Variants in ATP9B observed in about 807,000 individuals in gnomAD.
ATP9B encodes the protein ATPase phospholipid transporting 9B, also known as probable phospholipid-transporting ATPase IIB.
A neutral mutation model predicts 146.1 loss-of-function variants in ATP9B; 110 were observed. The ratio of observed to expected loss-of-function variants is 0.75; its 90% confidence interval spans 0.65 to 0.88. The LOEUF (loss-of-function observed/expected upper bound fraction) is 0.88. ATP9B is among the 40% of genes least tolerant of loss of function. ATP9B has a pLI of 0.00. For synonymous variants in ATP9B, 604 were observed against 569.7 expected (o/e 1.06, Z -0.86); for missense variants, 1,499 against 1,496.4 (o/e 1.00, Z -0.03).
At chr18:79,125,117 C>T (rs2094260137) in intron 4 of ATP9B, among the ~76,000 whole-genome samples, 1 of 152,086 alleles carries the variant, frequency 6.6e-6, no homozygotes, top group Admixed American at 6.5e-5. Flanking sequence ...GAAATTGTGG[C>T]AAGTGGAGAA....
rs151080554 is a variant in ATP9B at position 79,346,705 on chromosome 18, G to A, written c.2682+866G>A. Reference sequence around the variant, plus strand: ...CTCGGCACACACTCGGTCAGCGCACGTCAGCACGTGCTCAGTGCATGCCTG... The same window carrying A: ...CTCGGCACACACTCGGTCAGCGCACATCAGCACGTGCTCAGTGCATGCCTG... On this transcript the variant is annotated intron_variant, in intron 23 of 29. Coordinates refer to ENST00000426216, the MANE Select transcript of ATP9B (RefSeq NM_198531.5). Among the ~76,000 whole-genome samples the A allele has an allele frequency of 4.6e-5, 7 of 152,052 alleles. No homozygotes were observed. In the East Asian group the frequency reaches 1.2e-3, roughly 25 times the overall value.
chr18:79,070,793 T>G (rs2071645528), intron 1 of ATP9B, among the ~76,000 whole-genome samples: 1 of 152,198 alleles, frequency 6.6e-6, no homozygotes, highest in African/African-American at 2.4e-5. Flanking sequence ...CTCTAAAATC[T>G]TTATTAGATA....
At chr18:79,268,321 G>T (rs941321800) in intron 12 of ATP9B, among the ~76,000 whole-genome samples, 11 of 151,884 alleles carry the variant, frequency 7.2e-5, no homozygotes, top group Non-Finnish European at 1.3e-4. Context: ...GATAATTTTT[G>T]ACTAGAGTAT....
At chr18:79,184,683 T>G (rs1003891993) in intron 8 of ATP9B, among the ~76,000 whole-genome samples, 6 of 152,178 alleles carry the variant, frequency 3.9e-5, no homozygotes, top group Non-Finnish European at 8.8e-5. Context: ...GGTTACATAT[T>G]TCCTCCTTGT....
chr18:79,113,468 T>G, intron 4 of ATP9B, 114 bp downstream of exon 4: 1 of 664,192 alleles, frequency 1.5e-6, no homozygotes, highest in Non-Finnish European at 2.5e-6. Flanking sequence ...GGTGTTGTAG[T>G]GTTCACTGAA....
chr18:79,376,389 AT>A (rs1162245001), intron 29 of ATP9B: 67,925 of 887,912 alleles, frequency 0.076, 1 homozygote, highest in Middle Eastern at 0.089. Context: ...ATCTGCAACC[AT>A]TTTTTTTTTT....
chr18:79,253,281 T>G, intron 11 of ATP9B, 100 bp from the exon 12 acceptor site: 6 of 1,145,020 alleles, frequency 5.2e-6, no homozygotes, highest in Non-Finnish European at 7.3e-6. Context: ...CCAATAAATT[T>G]TAAAGTTTTT....
intron 9 of ATP9B, 67 bp from the exon 10 acceptor site, chr18:79,206,870 G>A (rs1335810328): frequency 4.8e-6 from 7 of 1,452,000 alleles, no homozygotes; most frequent in African/African-American, 1.4e-5. Context: ...TAATACTGAG[G>A]TTATATAAGG....
At chr18:79,217,180 G>A (rs1311042167) in intron 11 of ATP9B, among the ~76,000 whole-genome samples, 1 of 152,140 alleles carries the variant, frequency 6.6e-6, no homozygotes, top group African/African-American at 2.4e-5. Context: ...TTCTTTGTTT[G>A]TTTATTTATT....
intron 25 of ATP9B, among the ~76,000 whole-genome samples, chr18:79,359,089 A>G (rs896677177): frequency 6.6e-6 from 1 of 152,128 alleles, no homozygotes; most frequent in Non-Finnish European, 1.5e-5. Flanking sequence ...ATGTGAGTCT[A>G]CAATGATCTC....
At chr18:79,299,120 A>G (rs1326007651) in intron 13 of ATP9B, among the ~76,000 whole-genome samples, 1 of 148,070 alleles carries the variant, frequency 6.8e-6, no homozygotes, top group Non-Finnish European at 1.5e-5. Context: ...TCTTTCCCCC[A>G]CATTTGACCC....
Position 79,337,383 on chromosome 18 carries a change from C to T in ATP9B, c.2217C>T (p.Gly739=), listed in dbSNP as rs1360372574. ...AGATGGAACTGCTGTGCCTCACCGG[C>T]GTGGAGGACCAGCTGCAGGCAGACG... The part of the protein sequence containing the change: ...EREMELLCLT[G]VEDQLQADVR... The change falls in exon 19 of 30, where the codon GGC becomes GGT. Residue 739 remains glycine, a synonymous_variant. Coordinates refer to ENST00000426216, the MANE Select transcript of ATP9B (RefSeq NM_198531.5). The T allele has an allele frequency of 5.0e-6, 8 of 1,613,866 alleles. No individual in the cohort carries two copies. Among genetic ancestry groups the T allele is most frequent in the East Asian group, 4.5e-5 (2 of 44,900 alleles).
intron 15 of ATP9B, among the ~76,000 whole-genome samples, chr18:79,321,248 T>A (rs572746522): frequency 6.6e-6 from 1 of 152,346 alleles, no homozygotes; most frequent in Admixed American, 6.5e-5. Flanking sequence ...CAGCCGTTCC[T>A]TTGATGTATC....
intron 11 of ATP9B, among the ~76,000 whole-genome samples, chr18:79,233,853 T>C (rs1235333677): frequency 1.3e-5 from 2 of 152,234 alleles, no homozygotes; most frequent in African/African-American, 2.4e-5. Context: ...AAATATATAC[T>C]GTATTCTTAC....
At chr18:79,070,944 A>T (rs778501562) in intron 1 of ATP9B, among the ~76,000 whole-genome samples, 5 of 151,382 alleles carry the variant, frequency 3.3e-5, no homozygotes, top group Non-Finnish European at 7.4e-5. Context: ...TGATTGGCAT[A>T]TTTACACCAT....
In ATP9B at chr18:79,106,866, CTGTTTACAG is replaced by C. The variant is rs771218407; in HGVS notation, c.294-3486_294-3478del. Among the ~76,000 whole-genome samples the C allele has an allele frequency of 2.6e-5, 4 of 152,268 alleles. No homozygotes were observed. In the East Asian group the frequency reaches 7.7e-4, roughly 29 times the overall value. On this transcript the variant is annotated intron_variant, in intron 2 of 29. Coordinates refer to ENST00000426216, the MANE Select transcript of ATP9B (RefSeq NM_198531.5). ...TGACGTTAAGGTTTCTGTTGTGCTG[CTGTTTACAG>C]TGCTCATGTTATGCAGACAGTGGTC...
At chr18:79,233,202 G>C (rs1235098246) in intron 11 of ATP9B, among the ~76,000 whole-genome samples, 2 of 151,998 alleles carry the variant, frequency 1.3e-5, no homozygotes, top group Non-Finnish European at 2.9e-5. Flanking sequence ...TGAAGCAGGA[G>C]AATCACTTGA....
intron 5 of ATP9B, among the ~76,000 whole-genome samples, chr18:79,136,023 A>C (rs1020130999): frequency 6.6e-5 from 10 of 152,064 alleles, no homozygotes; most frequent in African/African-American, 2.4e-4. Context: ...TTGCTTTATA[A>C]TTTTTGAAAT....
intron 5 of ATP9B, among the ~76,000 whole-genome samples, chr18:79,141,906 G>A (rs979055453): frequency 6.6e-6 from 1 of 152,242 alleles, no homozygotes; most frequent in African/African-American, 2.4e-5. Flanking sequence ...GTGAAAGCGG[G>A]TAACTTTCCT....
Sources: allele counts gnomAD v4.1 joint callset (sites outside exome capture counted in the v4.1 genomes callset), GRCh38; gene constraint gnomAD v4.1.1; transcripts MANE v1.5; gene names NCBI Gene and HGNC (gene_info 2026-07-23, HGNC 2026-07-21).